ERCC6L2: variants seen among roughly 807,000 people sequenced by gnomAD.
ERCC6L2 encodes the protein ERCC excision repair 6 like 2.
Under a neutral mutation model 132.0 loss-of-function variants are expected in ERCC6L2, and 77 were observed. The observed-to-expected ratio is 0.58, with a 90% CI of 0.49 to 0.71. ERCC6L2 has a LOEUF of 0.71. Ranked by LOEUF, ERCC6L2 falls within the 30% of genes least tolerant of loss-of-function variation. The pLI is 0.00. For synonymous variants in ERCC6L2, 583 were observed against 632.4 expected, an observed-to-expected ratio of 0.92 and a Z score of 1.17; for missense variants, 1,542 against 1,837.6, an observed-to-expected ratio of 0.84 and a Z score of 2.94.
chr9:95,945,425 T>G (rs1048679014), intron 12 of ERCC6L2, among the ~76,000 whole-genome samples: 4 of 152,182 alleles, frequency 2.6e-5, no homozygotes, highest in African/African-American at 9.7e-5. Context: ...ATTTGTGCAG[T>G]TAACGCAATC....
chr9:95,881,163 C>G lies in ERCC6L2; in HGVS notation c.341C>G (p.Ser114Cys), dbSNP rs1827570035. 1 of 1,613,686 alleles carries G rather than the reference C, an allele frequency of 6.2e-7. No homozygotes were observed. Among genetic ancestry groups the G allele is most frequent in the South Asian group, 1.1e-5 (1 of 91,048 alleles). Reference sequence around the variant, plus strand: ...TTTAAATTATCTGACAATGGAGACTCTATTCCTTATACCATCAATAGGTAT... The same window carrying G: ...TTTAAATTATCTGACAATGGAGACTGTATTCCTTATACCATCAATAGGTAT... ...VAFKLSDNGD[S>C]IPYTINRYLR... is the part of the protein sequence containing the mutation. The change falls in exon 2 of 19, where the codon TCT becomes TGT. Residue 114 changes from serine (S) to cysteine (C), a missense_variant. Around this residue, in one of 4 missense-constraint regions of ERCC6L2, gnomAD observed 945 missense variants for 1,105.2 expected, o/e 0.86. Transcript: ENST00000653738.
chr9:95,894,941 A>G (rs1828372416), intron 2 of ERCC6L2, among the ~76,000 whole-genome samples: 1 of 152,098 alleles, frequency 6.6e-6, no homozygotes, highest in South Asian at 2.1e-4. Flanking sequence ...TTAAAATGAA[A>G]CTGCTTTGCA....
chr9:95,953,220 T>G (rs1831424437), intron 12 of ERCC6L2, among the ~76,000 whole-genome samples: 1 of 152,170 alleles, frequency 6.6e-6, no homozygotes, highest in Non-Finnish European at 1.5e-5. Flanking sequence ...AATGATTAAA[T>G]TTTTTGTTTT....
intron 12 of ERCC6L2, among the ~76,000 whole-genome samples, chr9:95,943,384 T>C (rs966256618): frequency 3.3e-5 from 5 of 152,064 alleles, no homozygotes; most frequent in Non-Finnish European, 5.9e-5. Context: ...GCAAAAAATT[T>C]AGGGGCAACA....
intron 17 of ERCC6L2, among the ~76,000 whole-genome samples, chr9:95,983,920 T>C (rs1832987637): frequency 6.6e-6 from 1 of 152,166 alleles, no homozygotes; most frequent in African/African-American, 2.4e-5. Context: ...TTCCCTCAAT[T>C]CCTTTGGTGT....
rs1588036626 is a variant in ERCC6L2, at chr9:95,996,095, G to A, written c.3493-8425G>A. On this transcript the variant is annotated intron_variant, in intron 17 of 18. Coordinates refer to ENST00000653738, the MANE Select transcript of ERCC6L2 (RefSeq NM_020207.7). The stretch of plus-strand genomic sequence containing the variant: ...CTAGGCACCTGTGCCTAACAGCCAA[G>A]TTGTGAATGCAAAGGAAAGTTCTGG... Among the ~76,000 whole-genome samples, 4 of 152,368 alleles carry A rather than the reference G, an allele frequency of 2.6e-5. No individual in the cohort carries two copies. In the East Asian group the frequency reaches 7.7e-4, roughly 29 times the overall value.
intron 12 of ERCC6L2, among the ~76,000 whole-genome samples, chr9:95,952,891 C>T (rs766223463): frequency 1.4e-4 from 22 of 151,746 alleles, no homozygotes; most frequent in Non-Finnish European, 2.9e-4. Context: ...TATGAAAAAC[C>T]CAGAGCTAAC....
intron 12 of ERCC6L2, among the ~76,000 whole-genome samples, chr9:95,943,687 T>C (rs1352757573): frequency 6.6e-6 from 1 of 152,044 alleles, no homozygotes; most frequent in Non-Finnish European, 1.5e-5. Flanking sequence ...AATCTAACAA[T>C]GCATAGGACA....
At position 95,955,975 on chromosome 9, in the gene ERCC6L2, G is replaced by A. The variant is rs761781088; in HGVS notation, c.1909G>A (p.Val637Met). The change falls in exon 13 of 19, where the codon GTG becomes ATG. Residue 637 changes from valine to methionine, a missense_variant. By Grantham distance (21) the Val-to-Met change is conservative. Coordinates refer to ENST00000653738, the MANE Select transcript of ERCC6L2 (RefSeq NM_020207.7). ...KVLRLISLGT[V>M]EEIMYLRQIY... ...GCTTAGGCTGATATCCTTGGGAACT[G>A]TGGAGGAAATCATGTATTTACGACA... 3 of 1,608,122 alleles carry A rather than the reference G, an allele frequency of 1.9e-6. No homozygotes were observed. Among genetic ancestry groups the A allele is most frequent in the Admixed American group, 1.7e-5 (1 of 59,088 alleles).
At chr9:96,036,874 C>T (rs1834526161) in intron 19 of ERCC6L2, among the ~76,000 whole-genome samples, 1 of 148,782 alleles carries the variant, frequency 6.7e-6, no homozygotes, top group Non-Finnish European at 1.5e-5. Context: ...TCACGCCATT[C>T]TCCTGCCTCA....
intron 3 of ERCC6L2, among the ~76,000 whole-genome samples, chr9:95,905,510 A>G (rs562594975): frequency 9.8e-5 from 15 of 152,320 alleles, no homozygotes; most frequent in Admixed American, 6.5e-4. Flanking sequence ...TGCACCTAGC[A>G]TTGTCATCTC....
At chr9:96,039,015 A>G (rs1468519423) in exon 20 of ERCC6L2, 1 of 441,256 alleles carries the variant, frequency 2.3e-6, no homozygotes. Context: ...ACCACCTTGG[A>G]GACAGCTCCC....
At chr9:95,995,079 A>G (rs886126070) in intron 17 of ERCC6L2, among the ~76,000 whole-genome samples, 2 of 152,212 alleles carry the variant, frequency 1.3e-5, no homozygotes, top group African/African-American at 4.8e-5. Context: ...GAAAACTGCT[A>G]ATTTAATCAT....
intron 3 of ERCC6L2, chr9:95,906,478 G>A (rs1587879377): frequency 2.9e-6 from 1 of 343,804 alleles, no homozygotes; most frequent in African/African-American, 2.2e-5. Flanking sequence ...CGTACCCATG[G>A]CAACAGGTGG....
intron 19 of ERCC6L2, among the ~76,000 whole-genome samples, chr9:96,031,597 C>G (rs1014314367): frequency 6.6e-6 from 1 of 152,246 alleles, no homozygotes; most frequent in Non-Finnish European, 1.5e-5. Context: ...TGCTATAAAG[C>G]CAAGGCGCCC....
At chr9:95,908,728 A>G (rs1219579238) in intron 4 of ERCC6L2, among the ~76,000 whole-genome samples, 1 of 152,134 alleles carries the variant, frequency 6.6e-6, no homozygotes, top group Admixed American at 6.5e-5. Context: ...AGATTAAAGC[A>G]TGGCATTAGA....
chr9:95,948,258 C>T (rs1184918582), intron 12 of ERCC6L2, among the ~76,000 whole-genome samples: 2 of 152,072 alleles, frequency 1.3e-5, no homozygotes, highest in Admixed American at 6.5e-5. Context: ...TTGAGGAGTT[C>T]GACTTTAGTA....
chr9:95,936,423 A>C (rs888882289), intron 11 of ERCC6L2, among the ~76,000 whole-genome samples: 3 of 152,190 alleles, frequency 2.0e-5, no homozygotes, highest in African/African-American at 4.8e-5. Flanking sequence ...TGTATTCACT[A>C]TGACAAGCCT....
chr9:95,882,324 A>G (rs1827638422), intron 2 of ERCC6L2, among the ~76,000 whole-genome samples: 1 of 152,226 alleles, frequency 6.6e-6, no homozygotes, highest in East Asian at 1.9e-4. Flanking sequence ...ATTAAACAGG[A>G]CTGGGAATAT....
Sources: allele counts gnomAD v4.1 joint callset (sites outside exome capture counted in the v4.1 genomes callset), GRCh38; gene constraint gnomAD v4.1.1; regional missense constraint gnomAD v4.1.1; transcripts MANE v1.5; gene names NCBI Gene and HGNC (gene_info 2026-07-23, HGNC 2026-07-21).